VIPR2: variants seen among roughly 807,000 people sequenced by gnomAD.
The protein encoded by VIPR2 is vasoactive intestinal peptide receptor 2.
A neutral mutation model predicts 58.0 loss-of-function variants in VIPR2; 48 were observed. The ratio of observed to expected loss-of-function variants is 0.83; its 90% confidence interval spans 0.66 to 1.05. The LOEUF is 1.05. VIPR2 is among the 50% of genes least tolerant of loss of function. The pLI is 0.00. For missense variants in VIPR2, 534 were observed against 558.0 expected (o/e 0.96, Z 0.43); for synonymous variants, 243 against 235.2 (o/e 1.03, Z -0.30).
chr7:159,131,050 T>G (rs937388649), intron 2 of VIPR2, among the ~76,000 whole-genome samples: 5 of 152,110 alleles, frequency 3.3e-5, no homozygotes, highest in Non-Finnish European at 7.3e-5. Flanking sequence ...TTCATCTACA[T>G]GCAGAAACGT....
At chr7:159,144,198 A>T in intron 1 of VIPR2, 2 of 1,164,398 alleles carry the variant, frequency 1.7e-6, no homozygotes, top group Non-Finnish European at 2.2e-6. Flanking sequence ...CAACAAACTT[A>T]TGAGCAGTTA....
chr7:159,104,222 A>G (rs779636365), intron 3 of VIPR2, among the ~76,000 whole-genome samples: 96 of 152,108 alleles, frequency 6.3e-4, no homozygotes, highest in Non-Finnish European at 1.1e-3. Flanking sequence ...CCAGGAGCCC[A>G]GCCTGCCCCA....
intron 5 of VIPR2, among the ~76,000 whole-genome samples, chr7:159,055,362 C>G (rs148881687): frequency 6.6e-6 from 1 of 152,314 alleles, no homozygotes; most frequent in East Asian, 1.9e-4. Context: ...TATCCCACAT[C>G]TCGATCTGGT....
At chr7:159,063,645 C>T (rs1435788381) in intron 4 of VIPR2, among the ~76,000 whole-genome samples, 1 of 150,486 alleles carries the variant, frequency 6.6e-6, no homozygotes, top group Non-Finnish European at 1.5e-5. Flanking sequence ...AGAGGAGGCG[C>T]CAAGAGCGAG....
At chr7:159,088,554 C>G (rs979141518) in intron 4 of VIPR2, among the ~76,000 whole-genome samples, 3 of 152,262 alleles carry the variant, frequency 2.0e-5, no homozygotes, top group Non-Finnish European at 2.9e-5. Flanking sequence ...ACCTATACAC[C>G]TGCAAGGAGT....
intron 4 of VIPR2, among the ~76,000 whole-genome samples, chr7:159,068,586 G>A (rs908309832): frequency 1.3e-5 from 2 of 152,254 alleles, no homozygotes; most frequent in African/African-American, 4.8e-5. Flanking sequence ...TGGCACCCAC[G>A]ACAAAGCCTG....
At chr7:159,123,154 G>A (rs182297044) in intron 2 of VIPR2, among the ~76,000 whole-genome samples, 1 of 152,022 alleles carries the variant, frequency 6.6e-6, no homozygotes, top group East Asian at 1.9e-4. Flanking sequence ...TTAGCTGGGC[G>A]TGGTGGCGTG....
At chr7:159,118,850 T>C (rs981910256) in intron 2 of VIPR2, among the ~76,000 whole-genome samples, 2 of 152,256 alleles carry the variant, frequency 1.3e-5, no homozygotes, top group Non-Finnish European at 2.9e-5. Context: ...GCATGGGCTC[T>C]GCTGTTCCGA....
chr7:159,078,199 A>T (rs1856738761), intron 4 of VIPR2, among the ~76,000 whole-genome samples: 1 of 152,234 alleles, frequency 6.6e-6, no homozygotes, highest in Non-Finnish European at 1.5e-5. Flanking sequence ...CCATCTAAAG[A>T]TAATTCCAGC....
chr7:159,098,477 G>A lies in VIPR2; in HGVS notation c.357+5280C>T, dbSNP rs1380955468. 6.6e-6 allele frequency among the ~76,000 whole-genome samples: 1 copy of A among 152,176 alleles called. No individual in the cohort carries two copies. The highest frequency in any genetic ancestry group is 6.5e-5 in the Admixed American group (1 of 15,286). ...AGAGGACACAGACGGGAAGACCTTG[G>A]ACAGGGAGACTGATCCCTGGCTGGC... On this transcript the variant is annotated intron_variant, in intron 4 of 12. Transcript: ENST00000262178. The surrounding 1 kb of genome is among the most constrained non-coding windows in gnomAD (Gnocchi z 5.2).
At chr7:159,049,504 A>C (rs2129493679) in intron 5 of VIPR2, among the ~76,000 whole-genome samples, 1 of 152,322 alleles carries the variant, frequency 6.6e-6, no homozygotes, top group East Asian at 1.9e-4. Context: ...GGACAAGCCC[A>C]GAGCCAGGGC....
chr7:159,036,126 G>A (rs565812094), intron 7 of VIPR2, 114 bp from the exon 8 acceptor site: 4 of 1,224,658 alleles, frequency 3.3e-6, no homozygotes, highest in Non-Finnish European at 4.4e-6. Flanking sequence ...AATATTAAGT[G>A]CAATCTCTTG....
chr7:159,066,301 G>A (rs1314408402), intron 4 of VIPR2, among the ~76,000 whole-genome samples: 2 of 146,366 alleles, frequency 1.4e-5, no homozygotes, highest in African/African-American at 5.1e-5. Flanking sequence ...CTGCTCCCGC[G>A]GCGTCCGTGG....
At chr7:159,133,612 C>T (rs1339659005) in intron 2 of VIPR2, among the ~76,000 whole-genome samples, 1 of 152,168 alleles carries the variant, frequency 6.6e-6, no homozygotes, top group Non-Finnish European at 1.5e-5. Flanking sequence ...CACAGGGCTA[C>T]AATTTGAGAA....
At chr7:159,084,141 A>G (rs1231646911) in intron 4 of VIPR2, among the ~76,000 whole-genome samples, 1 of 152,284 alleles carries the variant, frequency 6.6e-6, no homozygotes, top group Admixed American at 6.5e-5. Flanking sequence ...GCAAAGCCGC[A>G]TCAGTACTCA....
At chr7:159,043,956 T>G (rs755438285) in intron 5 of VIPR2, among the ~76,000 whole-genome samples, 4 of 152,206 alleles carry the variant, frequency 2.6e-5, no homozygotes, top group African/African-American at 9.7e-5. Flanking sequence ...AGCTCTCACA[T>G]GAAGTGGGGA....
Position 159,142,587 on chromosome 7 carries a change from C to T in VIPR2, c.52-42G>A, listed in dbSNP as rs771182774. 9 of 1,504,944 alleles carry T rather than the reference C, an allele frequency of 6.0e-6. No individual in the cohort carries two copies. In the Admixed American group the frequency reaches 1.6e-4, roughly 27 times the overall value. 93.2% of individuals were successfully genotyped at this position (1,504,944 alleles called of 1,614,324 possible). Reference sequence around the variant, plus strand: ...GAAATATTAATAACTAAAAATTCCACAAGAAGAAGAAAAGCAAGCAAAAAT... The same window carrying T: ...GAAATATTAATAACTAAAAATTCCATAAGAAGAAGAAAAGCAAGCAAAAAT... On this transcript the variant is annotated intron_variant, in intron 1 of 12. Coordinates refer to ENST00000262178, the MANE Select transcript of VIPR2 (RefSeq NM_003382.5).
Position 159,096,994 on chromosome 7 carries a change from A to C in VIPR2, c.357+6763T>G, listed in dbSNP as rs1857894985. The C allele has an allele frequency of 2.6e-6, 4 of 1,550,614 alleles. No individual in the cohort carries two copies. The highest frequency in any genetic ancestry group is 1.2e-5 in the South Asian group (1 of 84,058). Reference sequence around the variant, plus strand: ...AGGACCATGAGGGGAGGCTTCCTTCAGAAAAGCTGCTGCTCTCAGAGGTGA... The same window carrying C: ...AGGACCATGAGGGGAGGCTTCCTTCCGAAAAGCTGCTGCTCTCAGAGGTGA... On this transcript the variant is annotated intron_variant, in intron 4 of 12. Coordinates refer to ENST00000262178, the MANE Select transcript of VIPR2 (RefSeq NM_003382.5). The surrounding 1 kb of genome is among the most constrained non-coding windows in gnomAD (Gnocchi z 5.5).
chr7:159,142,553 C>T lies in VIPR2; in HGVS notation c.52-8G>A, dbSNP rs779107027. 13 of 1,592,324 alleles carry T rather than the reference C, an allele frequency of 8.2e-6. No homozygotes were observed. The highest frequency in any genetic ancestry group is 7.0e-5 in the Admixed American group (4 of 56,878). On this transcript the variant is annotated splice_region_variant and splice_polypyrimidine_tract_variant and intron_variant, in intron 1 of 12. Transcript: ENST00000262178. ...TGGGTGAATGCTGTTCACCTGTTCA[C>T]GGTTAAAAGAAATATTAATAACTAA...
Sources: allele counts gnomAD v4.1 joint callset (sites outside exome capture counted in the v4.1 genomes callset), GRCh38; gene constraint gnomAD v4.1.1; non-coding constraint Gnocchi (gnomAD v3.1); transcripts MANE v1.5; gene names NCBI Gene and HGNC (gene_info 2026-07-23, HGNC 2026-07-21).